Variants in CFAP92 observed in about 807,000 individuals in gnomAD.
CFAP92 encodes the protein cilia and flagella associated protein 92 (putative), also known as uncharacterized protein CFAP92.
A neutral mutation model predicts 106.3 loss-of-function variants in CFAP92; 86 were observed. The observed-to-expected ratio is 0.81, with a 90% confidence interval of 0.68 to 0.97. CFAP92 has a LOEUF of 0.97. Among genes scored for constraint, CFAP92 ranks in the 50% least tolerant of loss-of-function variants. CFAP92 has a pLI of 0.00. For synonymous variants in CFAP92, 477 were observed against 506.4 expected, an observed-to-expected ratio of 0.94 and a Z score of 0.78; for missense variants, 1,204 against 1,283.8, an observed-to-expected ratio of 0.94 and a Z score of 0.95.
At chr3:128,913,202 C>T in intron 15 of CFAP92, 1 of 384,374 alleles carries the variant, frequency 2.6e-6, no homozygotes, top group South Asian at 1.9e-5. Context: ...TGGTGATGGC[C>T]TCGGGTCCCC....
At chr3:128,983,201 G>C (rs1943637890) in intron 4 of CFAP92, among the ~76,000 whole-genome samples, 1 of 152,104 alleles carries the variant, frequency 6.6e-6, no homozygotes, top group South Asian at 2.1e-4. Flanking sequence ...TGTTCTCCTG[G>C]AGCTGCTGCC....
rs987833379 is a variant in CFAP92 at position 128,953,820 on chromosome 3, C to A, written c.1354-7845G>T. ...CGGGGTTTCGCTGTGTTGGCCGGGC[C>A]GGTCTCCAGCCCCTAACCGCGAGTG... is the stretch of plus-strand genomic sequence containing the variant. On this transcript the variant is annotated intron_variant, in intron 9 of 15. Transcript: ENST00000645291. 1.7e-4 allele frequency among the ~76,000 whole-genome samples: 21 copies of A among 122,236 alleles called. 2 individuals are homozygous for A. The highest frequency in any genetic ancestry group is 1.3e-3 in the South Asian group (5 of 3,832). 80.2% of individuals were successfully genotyped at this position (122,236 alleles called of 152,430 possible). A position where few individuals can be genotyped will look rare whatever the true frequency, so the allele number is the denominator to read the frequency against.
At chr3:128,930,774 T>C (rs1938276581) in intron 12 of CFAP92, among the ~76,000 whole-genome samples, 1 of 152,064 alleles carries the variant, frequency 6.6e-6, no homozygotes, top group African/African-American at 2.4e-5. Context: ...TTTAAAACAC[T>C]TCCTTGTTAT....
chr3:129,004,541 CCCAG>C (rs1359397899), upstream of CFAP92, among the ~76,000 whole-genome samples: 1 of 149,626 alleles, frequency 6.7e-6, no homozygotes, highest in Non-Finnish European at 1.5e-5. Context: ...CCCCCACCCA[CCCAG>C]CCAGCCAGCC....
At chr3:128,981,803 C>T (rs900644305) in intron 4 of CFAP92, among the ~76,000 whole-genome samples, 2 of 152,222 alleles carry the variant, frequency 1.3e-5, no homozygotes, top group Admixed American at 6.5e-5. Context: ...TCTTTGTACA[C>T]CTCCATCAGA....
intron 6 of CFAP92, 31 bp from the exon 7 acceptor site, chr3:128,975,934 A>C (rs1252344228): frequency 6.3e-7 from 1 of 1,577,066 alleles, no homozygotes; most frequent in African/African-American, 1.4e-5. Context: ...AAAATTAATG[A>C]AGGTGAAAAA....
At position 128,977,985 on chromosome 3, in the gene CFAP92, A is replaced by G. The variant is rs192274482; in HGVS notation, c.808+60T>C. The G allele has an allele frequency of 1.9e-4, 309 of 1,605,860 alleles. 1 individual carries two copies. Among genetic ancestry groups the G allele is most frequent in the Non-Finnish European group, 2.5e-4 (295 of 1,174,792 alleles). ...GATGCATTGCTCCAGCACACCACACAACCGCTTTCCCTGCCATCGCCTTGC... is the reference window on the plus strand; with the variant it reads ...GATGCATTGCTCCAGCACACCACACGACCGCTTTCCCTGCCATCGCCTTGC... On this transcript the variant is annotated intron_variant, in intron 5 of 15. Coordinates refer to ENST00000645291, the MANE Select transcript of CFAP92 (RefSeq NM_001394090.1).
At chr3:128,953,316 C>T (rs1940995242) in intron 9 of CFAP92, among the ~76,000 whole-genome samples, 1 of 151,912 alleles carries the variant, frequency 6.6e-6, no homozygotes, top group Non-Finnish European at 1.5e-5. Flanking sequence ...GAGATCGAGA[C>T]CAGCCTGGCT....
chr3:128,959,065 C>G (rs1941666361), intron 9 of CFAP92, among the ~76,000 whole-genome samples: 1 of 152,026 alleles, frequency 6.6e-6, no homozygotes, highest in South Asian at 2.1e-4. Context: ...ACAAAATTAG[C>G]CGGGCGTGGT....
rs1938558074 is a variant in CFAP92 at position 128,932,928 on chromosome 3, A to G, written c.2523T>C (p.Ser841=). ...CTTGGCTCAAGTCTTTTATCATAGC[A>G]GAGGAGGGCAGCAGGTCCCTCACCG... ...DVTVRDLLPS[S]AMIKDLSQEF... Residue 841 remains serine, a synonymous_variant, in exon 12 of 16, where the codon TCT becomes TCC. Transcript: ENST00000645291. The G allele has an allele frequency of 2.6e-6, 4 of 1,536,166 alleles. No homozygotes were observed. The East Asian group carries it at 9.8e-5, about 38-fold the overall frequency.
At chr3:128,913,138 G>A (rs1485235532) in intron 15 of CFAP92, 2 of 434,050 alleles carry the variant, frequency 4.6e-6, no homozygotes, top group African/African-American at 4.0e-5. Context: ...TTGTCACACT[G>A]TTCCTTAGAA....
intron 8 of CFAP92, chr3:128,966,539 TAGCTGTCAG>T (rs1942374650): frequency 2.0e-5 from 3 of 152,128 alleles, no homozygotes; most frequent in South Asian, 2.1e-4. Flanking sequence ...GGCATATAGG[TAGCTGTCAG>T]AGCTGTCAGA....
rs1476396112 is a variant in CFAP92, at chr3:128,915,356, C to T, written c.3123+1G>A. The T allele has an allele frequency of 2.0e-6, 3 of 1,536,098 alleles. No individual in the cohort carries two copies. Among genetic ancestry groups the T allele is most frequent in the South Asian group, 2.4e-5 (2 of 84,040 alleles). Reference sequence around the variant, plus strand: ...CTGAGACCCTGCTCTTCCCTGTGGACCTCATTCAGCTCTTTGATGGGTGGC... The same window carrying T: ...CTGAGACCCTGCTCTTCCCTGTGGATCTCATTCAGCTCTTTGATGGGTGGC... On this transcript the variant is annotated splice_donor_variant, in intron 14 of 15. Transcript: ENST00000645291. LOFTEE classifies it high-confidence loss of function.
chr3:128,969,884 G>GTTC (rs1942658836), intron 8 of CFAP92: 1 of 152,244 alleles, frequency 6.6e-6, no homozygotes, highest in Non-Finnish European at 1.5e-5. Flanking sequence ...CTCTCAAGAG[G>GTTC]TTCTGATGCT....
At chr3:128,991,858 A>C (rs1486684585) in intron 2 of CFAP92, 1 of 987,740 alleles carries the variant, frequency 1.0e-6, no homozygotes, top group Non-Finnish European at 1.2e-6. Flanking sequence ...GATGAAAACA[A>C]AACAAAGCAA....
Position 128,916,224 on chromosome 3 carries a change from G to A in CFAP92, c.2799C>T (p.Ser933=), listed in dbSNP as rs779246298. 8.8e-5 allele frequency: 108 copies of A among 1,231,922 alleles called. No individual in the cohort carries two copies. Among genetic ancestry groups the A allele is most frequent in the South Asian group, 4.9e-4 (12 of 24,324 alleles). 76.3% of individuals were successfully genotyped at this position (1,231,922 alleles called of 1,614,324 possible). ...CTGAAATTTTAATCACCTTCGCCAC[G>A]GACTTCGGAGGCTTCTTGCTGACCT... ...AYQVSKKPPK[S]VAKVIKISAP... is the part of the protein sequence containing the mutation. Residue 933 remains serine (S), a synonymous_variant, in exon 13 of 16, where the codon TCC becomes TCT. Coordinates refer to ENST00000645291, the MANE Select transcript of CFAP92 (RefSeq NM_001394090.1).
chr3:129,013,669 G>A, the CFAP92 span, among the ~76,000 whole-genome samples: 1 of 152,226 alleles, frequency 6.6e-6, no homozygotes, highest in Non-Finnish European at 1.5e-5. Context: ...GGGAAATGGA[G>A]CATGCTGACT....
upstream of CFAP92, among the ~76,000 whole-genome samples, chr3:129,007,588 C>T (rs1280232650): frequency 6.6e-6 from 1 of 152,230 alleles, no homozygotes; most frequent in African/African-American, 2.4e-5. Flanking sequence ...TCACGCTGAT[C>T]TTCTCATCTT....
intron 7 of CFAP92, among the ~76,000 whole-genome samples, chr3:128,972,720 T>C (rs1340564864): frequency 6.6e-6 from 1 of 151,850 alleles, no homozygotes; most frequent in Non-Finnish European, 1.5e-5. Flanking sequence ...CCAGGTGTGG[T>C]GGCGGGCATC....
Sources: gnomAD v4.1 joint callset for allele counts (sites outside exome capture counted in the v4.1 genomes callset) on GRCh38, gnomAD v4.1.1 for gene constraint, MANE v1.5 for transcripts, NCBI Gene and HGNC (gene_info 2026-07-23, HGNC 2026-07-21) for gene names.